SPAG16: variants seen among roughly 807,000 people sequenced by gnomAD.
The protein encoded by SPAG16 is sperm associated antigen 16.
Under a neutral mutation model 80.4 loss-of-function variants are expected in SPAG16, and 86 were observed. The ratio of observed to expected loss-of-function variants is 1.07; its 90% CI spans 0.90 to 1.28. SPAG16 has a LOEUF of 1.28. Ranked by LOEUF, SPAG16 falls within the 50% of genes most tolerant of loss-of-function variation. SPAG16 has a pLI of 0.00. For missense variants in SPAG16, 870 were observed against 765.3 expected, an observed-to-expected ratio of 1.14 and a Z score of -1.61; for synonymous variants, 294 against 265.9, an observed-to-expected ratio of 1.11 and a Z score of -1.03.
intron 11 of SPAG16, among the ~76,000 whole-genome samples, chr2:213,920,780 G>T (rs1047956719): frequency 2.4e-4 from 37 of 152,200 alleles, no homozygotes; most frequent in African/African-American, 8.9e-4. Context: ...TCCTGTGGTA[G>T]CATGTCGAGC....
intron 10 of SPAG16, among the ~76,000 whole-genome samples, chr2:213,520,085 C>T (rs2075601075): frequency 8.0e-6 from 1 of 125,118 alleles, no homozygotes. Flanking sequence ...AGAGCAAGAG[C>T]AAGAGAGAGA....
At chr2:214,393,400 A>AT (rs1324249579) in intron 15 of SPAG16, among the ~76,000 whole-genome samples, 1 of 152,192 alleles carries the variant, frequency 6.6e-6, no homozygotes, top group East Asian at 1.9e-4. Context: ...TTAATATGTT[A>AT]TTTTTTAATG....
At chr2:213,799,965 A>G (rs2071278533) in intron 10 of SPAG16, among the ~76,000 whole-genome samples, 1 of 151,664 alleles carries the variant, frequency 6.6e-6, no homozygotes, top group African/African-American at 2.4e-5. Flanking sequence ...GGATTGAAAA[A>G]AAAAAAAAAA....
At chr2:213,661,736 ATAATGT>A (rs1455915581) in intron 10 of SPAG16, among the ~76,000 whole-genome samples, 1 of 152,188 alleles carries the variant, frequency 6.6e-6, no homozygotes, top group Non-Finnish European at 1.5e-5. Context: ...CATTTTAATG[ATAATGT>A]TATTGTTTTT....
intron 8 of SPAG16, 56 bp downstream of exon 8, chr2:213,364,201 C>A: frequency 3.9e-6 from 4 of 1,013,524 alleles, no homozygotes; most frequent in South Asian, 2.3e-5. Flanking sequence ...ATTTCTCAAC[C>A]TTATCAGTGA....
intron 15 of SPAG16, among the ~76,000 whole-genome samples, chr2:214,256,925 T>C (rs987873964): frequency 1.3e-5 from 2 of 152,038 alleles, no homozygotes; most frequent in Admixed American, 6.6e-5. Context: ...CATTTCCATA[T>C]AAATTTTAAC....
At chr2:213,917,583 G>A (rs1488798198) in intron 11 of SPAG16, among the ~76,000 whole-genome samples, 1 of 152,064 alleles carries the variant, frequency 6.6e-6, no homozygotes, top group Admixed American at 6.6e-5. Context: ...CTTAGATGTT[G>A]TTGGTATATA....
chr2:213,733,593 A>C (rs2067155317), intron 10 of SPAG16, among the ~76,000 whole-genome samples: 1 of 150,932 alleles, frequency 6.6e-6, no homozygotes. Flanking sequence ...CCTCCCCAAG[A>C]CTATGGCCTC....
intron 3 of SPAG16, among the ~76,000 whole-genome samples, chr2:213,301,172 A>G (rs767762004): frequency 2.0e-5 from 3 of 152,146 alleles, no homozygotes; most frequent in South Asian, 2.1e-4. Context: ...TTTAGACTCA[A>G]TTACTAGTCT....
intron 10 of SPAG16, among the ~76,000 whole-genome samples, chr2:213,551,260 C>T (rs1418386832): frequency 2.0e-5 from 3 of 152,294 alleles, no homozygotes; most frequent in Non-Finnish European, 2.9e-5. Flanking sequence ...ACCAAGTAGT[C>T]TGGACCAAGA....
At chr2:213,351,094 T>TCTC (rs2065304317) in intron 7 of SPAG16, among the ~76,000 whole-genome samples, 1 of 152,088 alleles carries the variant, frequency 6.6e-6, no homozygotes. Context: ...TGAGCCGAGA[T>TCTC]GGCCCCATAC....
intron 9 of SPAG16, among the ~76,000 whole-genome samples, chr2:213,444,523 A>G (rs1312361482): frequency 1.3e-5 from 2 of 152,224 alleles, no homozygotes; most frequent in African/African-American, 4.8e-5. Flanking sequence ...CTTAAAATAC[A>G]ACAATAAGAA....
rs116462881 is a variant in SPAG16, at chr2:214,067,715, C to A, written c.1528-40481C>A. ...AGTCTGGATGTGAATACATCCGGGTCTTTTCAAGATGGTCCTTGCCAGGAT... is the reference window on the plus strand; with the variant it reads ...AGTCTGGATGTGAATACATCCGGGTATTTTCAAGATGGTCCTTGCCAGGAT... On this transcript the variant is annotated intron_variant, in intron 13 of 15. Transcript: ENST00000331683. Among the ~76,000 whole-genome samples, 342 of 151,600 alleles carry A rather than the reference C, an allele frequency of 2.3e-3. 1 individual carries two copies. The highest frequency in any genetic ancestry group is 8.0e-3 in the African/African-American group (331 of 41,384).
chr2:213,428,140 A>C (rs747203399), intron 9 of SPAG16, among the ~76,000 whole-genome samples: 2 of 152,222 alleles, frequency 1.3e-5, no homozygotes, highest in Non-Finnish European at 2.9e-5. Flanking sequence ...TTCAACATAA[A>C]GTGAATAAGA....
chr2:213,945,886 G>T (rs2079432036), intron 12 of SPAG16, among the ~76,000 whole-genome samples: 1 of 152,144 alleles, frequency 6.6e-6, no homozygotes, highest in Non-Finnish European at 1.5e-5. Flanking sequence ...AGCCCAAACT[G>T]ACTAAGATAG....
At chr2:213,712,422 T>C (rs2066040733) in intron 10 of SPAG16, among the ~76,000 whole-genome samples, 1 of 152,206 alleles carries the variant, frequency 6.6e-6, no homozygotes, top group African/African-American at 2.4e-5. Flanking sequence ...AGATACTTAA[T>C]AGCTCTAACA....
At chr2:213,340,450 A>G (rs2064626170) in intron 6 of SPAG16, among the ~76,000 whole-genome samples, 180 bp downstream of exon 6, 1 of 152,056 alleles carries the variant, frequency 6.6e-6, no homozygotes, top group Non-Finnish European at 1.5e-5. Context: ...AAGTGGGAGG[A>G]GTTAAGCAGA....
intron 15 of SPAG16, among the ~76,000 whole-genome samples, chr2:214,346,654 A>C (rs1576839723): frequency 6.6e-6 from 1 of 152,184 alleles, no homozygotes. Flanking sequence ...CACATTGCTC[A>C]CTGGAAAACT....
At chr2:214,204,511 C>T (rs1390533964) in intron 15 of SPAG16, among the ~76,000 whole-genome samples, 1 of 152,208 alleles carries the variant, frequency 6.6e-6, no homozygotes, top group Non-Finnish European at 1.5e-5. Context: ...GGACTCTGTG[C>T]AGACACTACC....
Sources: gnomAD v4.1 joint callset for allele counts (sites outside exome capture counted in the v4.1 genomes callset) on GRCh38, gnomAD v4.1.1 for gene constraint, MANE v1.5 for transcripts, NCBI Gene and HGNC (gene_info 2026-07-23, HGNC 2026-07-21) for gene names.